OPCML: variants seen among roughly 807,000 people sequenced by gnomAD.
OPCML encodes opioid binding protein/cell adhesion molecule like, also known as opioid-binding protein/cell adhesion molecule.
In OPCML, 13 loss-of-function variants were observed where a neutral mutation model predicts 37.8. The ratio of observed to expected loss-of-function variants is 0.34; its 90% CI spans 0.22 to 0.55. The LOEUF is 0.55. OPCML is among the 20% of genes least tolerant of loss of function. OPCML has a pLI of 0.91. For missense variants in OPCML, 341 were observed against 435.6 expected (o/e 0.78, Z 1.93); for synonymous variants, 176 against 168.8 (o/e 1.04, Z -0.33).
intron 2 of OPCML, among the ~76,000 whole-genome samples, chr11:132,932,281 A>G (rs1359088361): frequency 6.6e-6 from 1 of 152,144 alleles, no homozygotes; most frequent in African/African-American, 2.4e-5. Context: ...ACCGAACTGT[A>G]TATTTAAAAT....
chr11:132,736,286 C>T (rs1945254394), intron 2 of OPCML, among the ~76,000 whole-genome samples: 1 of 152,166 alleles, frequency 6.6e-6, no homozygotes, highest in South Asian at 2.1e-4. Flanking sequence ...GAAGGAAGCA[C>T]ACTGAAGGAC....
chr11:133,045,129 T>A (rs1947982368), intron 1 of OPCML, among the ~76,000 whole-genome samples: 1 of 152,114 alleles, frequency 6.6e-6, no homozygotes, highest in Non-Finnish European at 1.5e-5. Context: ...TCCCTGCCCC[T>A]CACACATACC....
At chr11:132,867,458 T>C (rs1405120417) in intron 2 of OPCML, among the ~76,000 whole-genome samples, 1 of 152,170 alleles carries the variant, frequency 6.6e-6, no homozygotes, top group Non-Finnish European at 1.5e-5. Flanking sequence ...ATAAAATGTT[T>C]GTTTTGTTTT....
intron 1 of OPCML, among the ~76,000 whole-genome samples, chr11:133,235,707 G>A (rs1401187644): frequency 6.6e-6 from 1 of 152,116 alleles, no homozygotes; most frequent in Non-Finnish European, 1.5e-5. Flanking sequence ...CACCCGTTAG[G>A]GACCCCAGAA....
intron 2 of OPCML, among the ~76,000 whole-genome samples, chr11:132,726,102 C>A (rs1207883523): frequency 2.0e-5 from 3 of 152,182 alleles, no homozygotes; most frequent in Admixed American, 1.3e-4. Flanking sequence ...TGCATGTTAC[C>A]CAGTTCCAAA....
At chr11:132,521,453 T>A (rs2137248528) in intron 4 of OPCML, among the ~76,000 whole-genome samples, 1 of 152,256 alleles carries the variant, frequency 6.6e-6, no homozygotes. Context: ...CAGAATACTA[T>A]GCAGCCATAA....
chr11:132,876,480 G>C (rs974779849), intron 2 of OPCML, among the ~76,000 whole-genome samples: 2 of 152,144 alleles, frequency 1.3e-5, no homozygotes, highest in African/African-American at 4.8e-5. Flanking sequence ...AGAGGCAATG[G>C]AATCTCTCAA....
intron 1 of OPCML, among the ~76,000 whole-genome samples, chr11:133,358,442 T>A (rs1944340205): frequency 6.6e-6 from 1 of 152,228 alleles, no homozygotes; most frequent in Non-Finnish European, 1.5e-5. Context: ...TCATCATGCC[T>A]GTGCTATTGG....
chr11:133,080,210 G>C (rs554619457), intron 1 of OPCML, among the ~76,000 whole-genome samples: 7 of 152,136 alleles, frequency 4.6e-5, no homozygotes, highest in African/African-American at 1.4e-4. Flanking sequence ...ATCAACCTGC[G>C]GGACTGTAGG....
At chr11:132,469,520 G>T (rs1411456550) in intron 4 of OPCML, among the ~76,000 whole-genome samples, 1 of 149,284 alleles carries the variant, frequency 6.7e-6, no homozygotes, top group Non-Finnish European at 1.5e-5. Flanking sequence ...TATGTGTGTG[G>T]GGTGTGTGTG....
chr11:132,942,775 C>G, intron 2 of OPCML, 151 bp downstream of exon 2: 1 of 971,712 alleles, frequency 1.0e-6, no homozygotes, highest in East Asian at 2.5e-5. Flanking sequence ...GCACGGCAGT[C>G]GGCACGGCAG....
intron 1 of OPCML, among the ~76,000 whole-genome samples, chr11:133,328,343 A>T (rs892283844): frequency 5.3e-5 from 8 of 151,940 alleles, no homozygotes; most frequent in African/African-American, 1.9e-4. Flanking sequence ...TTTTTAGTAG[A>T]GATGGGGTTT....
At chr11:133,218,138 AT>A (rs372355759) in intron 1 of OPCML, among the ~76,000 whole-genome samples, 23 of 151,292 alleles carry the variant, frequency 1.5e-4, no homozygotes, top group Admixed American at 1.4e-3. Flanking sequence ...TGCCATGTGT[AT>A]TTTTTTTTAT....
intron 1 of OPCML, among the ~76,000 whole-genome samples, chr11:133,230,299 G>A (rs1174894977): frequency 1.3e-5 from 2 of 152,182 alleles, no homozygotes; most frequent in Non-Finnish European, 2.9e-5. Flanking sequence ...GGGGCTCATG[G>A]GCAGAGGTAC....
chr11:133,497,941 T>C (rs918432395), intron 1 of OPCML, among the ~76,000 whole-genome samples: 1 of 152,204 alleles, frequency 6.6e-6, no homozygotes, highest in East Asian at 1.9e-4. Context: ...ACACTGCCTG[T>C]CAGTTTCACG....
intron 2 of OPCML, among the ~76,000 whole-genome samples, chr11:132,894,023 C>G (rs1030765083): frequency 6.6e-6 from 1 of 152,168 alleles, no homozygotes; most frequent in African/African-American, 2.4e-5. Context: ...ACTCTTGTTC[C>G]TTCCATCATG....
intron 3 of OPCML, among the ~76,000 whole-genome samples, chr11:132,584,308 T>C (rs894113878): frequency 6.6e-6 from 1 of 152,168 alleles, no homozygotes; most frequent in African/African-American, 2.4e-5. Context: ...AGCATTTTTT[T>C]ATTAAAAAGG....
At chr11:132,547,726 C>T (rs2096371953) in intron 3 of OPCML, among the ~76,000 whole-genome samples, 1 of 152,082 alleles carries the variant, frequency 6.6e-6, no homozygotes, top group African/African-American at 2.4e-5. Context: ...AAGTTAACAC[C>T]TCCATCAAGG....
At chr11:133,015,322 A>G (rs2136885839) in intron 1 of OPCML, among the ~76,000 whole-genome samples, 1 of 142,972 alleles carries the variant, frequency 7.0e-6, no homozygotes, top group East Asian at 2.4e-4. Flanking sequence ...GAAGAAAGAA[A>G]GGAAAAAAAG....
Sources: gnomAD v4.1 joint callset for allele counts (sites outside exome capture counted in the v4.1 genomes callset) on GRCh38, gnomAD v4.1.1 for gene constraint, MANE v1.5 for transcripts, NCBI Gene and HGNC (gene_info 2026-07-23, HGNC 2026-07-21) for gene names.